MRPS28: variants seen among roughly 807,000 people sequenced by gnomAD.
MRPS28 encodes mitochondrial ribosomal protein S28, also known as small ribosomal subunit protein bS1m.
In MRPS28, 7 loss-of-function variants were observed where a neutral mutation model predicts 10.8. The observed-to-expected ratio is 0.65, with a 90% CI of 0.37 to 1.22. The LOEUF (loss-of-function observed/expected upper bound fraction) is 1.22, where lower values mean the gene tolerates loss of function less well. Ranked by LOEUF, MRPS28 falls within the 50% of genes most tolerant of loss-of-function variation. MRPS28 has a pLI of 0.02. For missense variants in MRPS28, 265 were observed against 232.9 expected (o/e 1.14, Z -0.90); for synonymous variants, 121 against 93.3 (o/e 1.30, Z -1.71).
chr8:79,928,875 G>GTCT (rs1806381678), intron 2 of MRPS28, among the ~76,000 whole-genome samples: 1 of 151,874 alleles, frequency 6.6e-6, no homozygotes, highest in Admixed American at 6.6e-5. Flanking sequence ...GTGAAACCCT[G>GTCT]TCTCTACTAA....
At chr8:79,990,362 T>C (rs1028420854) in intron 2 of MRPS28, among the ~76,000 whole-genome samples, 2 of 152,060 alleles carry the variant, frequency 1.3e-5, no homozygotes, top group Non-Finnish European at 2.9e-5. Flanking sequence ...CCCATCTCTT[T>C]CCACTCTAGT....
chr8:79,998,919 AAATT>A (rs1265603056), intron 2 of MRPS28, among the ~76,000 whole-genome samples: 2 of 152,238 alleles, frequency 1.3e-5, no homozygotes, highest in Admixed American at 6.5e-5. Context: ...AAACAATAAA[AAATT>A]AAAACATTTG....
At chr8:79,979,124 G>GT (rs1288143886) in intron 2 of MRPS28, among the ~76,000 whole-genome samples, 1 of 152,170 alleles carries the variant, frequency 6.6e-6, no homozygotes, top group African/African-American at 2.4e-5. Flanking sequence ...GAAAAAAACT[G>GT]TACCTATCTG....
At chr8:80,016,274 G>C (rs1447056727) in intron 1 of MRPS28, among the ~76,000 whole-genome samples, 2 of 151,882 alleles carry the variant, frequency 1.3e-5, no homozygotes, top group African/African-American at 4.8e-5. Flanking sequence ...CAAAGATGAA[G>C]AAAAAATTCT....
intron 1 of MRPS28, among the ~76,000 whole-genome samples, chr8:80,019,238 T>C (rs947105860): frequency 6.6e-6 from 1 of 150,802 alleles, no homozygotes; most frequent in African/African-American, 2.4e-5. Context: ...CTTGAAGGAA[T>C]GGATACTCTA....
chr8:79,937,453 C>T (rs1806631752), intron 2 of MRPS28, among the ~76,000 whole-genome samples: 1 of 152,130 alleles, frequency 6.6e-6, no homozygotes, highest in African/African-American at 2.4e-5. Context: ...CACAAAATTA[C>T]AGCTCAAAAA....
intron 2 of MRPS28, among the ~76,000 whole-genome samples, chr8:79,979,058 C>A (rs188273672): frequency 2.0e-5 from 3 of 152,180 alleles, no homozygotes; most frequent in Admixed American, 1.3e-4. Flanking sequence ...TTTCAAAATA[C>A]AGCCAGCCTA....
In MRPS28 at chr8:79,977,981, G is replaced by T. The variant is rs189137726; in HGVS notation, c.395+25018C>A. On this transcript the variant is annotated intron_variant, in intron 2 of 2. Coordinates refer to ENST00000276585, the MANE Select transcript of MRPS28 (RefSeq NM_014018.3). Reference sequence around the variant, plus strand: ...ACAAAAAATGCAACTAGAACTATTTGCTTGGTTAATTATCCAATTTAAAAA... The same window carrying T: ...ACAAAAAATGCAACTAGAACTATTTTCTTGGTTAATTATCCAATTTAAAAA... Among the ~76,000 whole-genome samples, 98 of 151,778 alleles carry T rather than the reference G, an allele frequency of 6.5e-4. 2 individuals are homozygous for T. The East Asian group carries it at 0.017, about 26-fold the overall frequency.
intron 2 of MRPS28, among the ~76,000 whole-genome samples, chr8:79,980,380 G>A (rs1755613360): frequency 6.6e-6 from 1 of 152,114 alleles, no homozygotes; most frequent in Non-Finnish European, 1.5e-5. Flanking sequence ...AGACTTAACA[G>A]CTAATAAATG....
At chr8:80,011,265 C>T (rs1204499116) in intron 1 of MRPS28, among the ~76,000 whole-genome samples, 1 of 151,666 alleles carries the variant, frequency 6.6e-6, no homozygotes, top group African/African-American at 2.4e-5. Context: ...GAAGAGCAAA[C>T]AGTATCAACT....
intron 2 of MRPS28, among the ~76,000 whole-genome samples, chr8:79,922,654 C>A (rs1006780950): frequency 4.6e-5 from 7 of 151,970 alleles, no homozygotes; most frequent in Admixed American, 3.9e-4. Context: ...CATATGATGA[C>A]TCAATTTAGT....
chr8:80,013,954 A>T (rs866611195), intron 1 of MRPS28, among the ~76,000 whole-genome samples: 4 of 152,194 alleles, frequency 2.6e-5, no homozygotes, highest in African/African-American at 7.2e-5. Flanking sequence ...AAATTAAAAA[A>T]TTGTAAAAAT....
intron 2 of MRPS28, among the ~76,000 whole-genome samples, chr8:79,945,826 T>C (rs1391491188): frequency 6.6e-6 from 1 of 152,176 alleles, no homozygotes; most frequent in East Asian, 1.9e-4. Context: ...GCAAGCCCAT[T>C]CAAGTAATCC....
At chr8:79,927,420 C>A (rs1340562232) in intron 2 of MRPS28, among the ~76,000 whole-genome samples, 1 of 152,190 alleles carries the variant, frequency 6.6e-6, no homozygotes, top group Non-Finnish European at 1.5e-5. Flanking sequence ...ATGGTAAAAC[C>A]TCTGTCTCCA....
At chr8:80,004,818 C>G (rs1201574152) in intron 1 of MRPS28, among the ~76,000 whole-genome samples, 1 of 152,212 alleles carries the variant, frequency 6.6e-6, no homozygotes, top group African/African-American at 2.4e-5. Flanking sequence ...AAAACCACGG[C>G]ACAAGAACTA....
At chr8:79,934,585 T>C (rs1806555889) in intron 2 of MRPS28, among the ~76,000 whole-genome samples, 1 of 152,222 alleles carries the variant, frequency 6.6e-6, no homozygotes, top group Non-Finnish European at 1.5e-5. Flanking sequence ...AAGTAAACTA[T>C]ATGGAAGACA....
chr8:80,003,189 GAA>G lies in MRPS28; in HGVS notation c.214-11_214-10del. The G allele has an allele frequency of 1.3e-6, 2 of 1,555,462 alleles. No individual in the cohort carries two copies. The highest frequency in any genetic ancestry group is 1.7e-6 in the Non-Finnish European group (2 of 1,154,194). On this transcript the variant is annotated splice_polypyrimidine_tract_variant and intron_variant, in intron 1 of 2. Transcript: ENST00000276585. ...ACATTTTTTGGAGAACCCTAAATAT[GAA>G]AAGAGATATTTATATACATATAACT...
At chr8:79,947,629 G>GTTTTTTTT (rs767221360) in intron 2 of MRPS28, among the ~76,000 whole-genome samples, 17 of 109,222 alleles carry the variant, frequency 1.6e-4, no homozygotes, top group African/African-American at 3.9e-4. Flanking sequence ...AATATATTAA[G>GTTTTTTTT]TTTTTTTTTT....
chr8:79,922,992 C>T (rs117099998), intron 2 of MRPS28, among the ~76,000 whole-genome samples: 1,551 of 152,076 alleles, frequency 0.01, 16 homozygotes, highest in African/African-American at 0.015. Context: ...ACGTATGGTC[C>T]ATCAAGTAAA....
Sources: gnomAD v4.1 joint callset for allele counts (sites outside exome capture counted in the v4.1 genomes callset) on GRCh38, gnomAD v4.1.1 for gene constraint, MANE v1.5 for transcripts, NCBI Gene and HGNC (gene_info 2026-07-23, HGNC 2026-07-21) for gene names.